Variants in GTF3C1 observed in about 807,000 individuals in gnomAD.
The protein encoded by GTF3C1 is general transcription factor IIIC subunit 1.
A neutral mutation model predicts 226.7 loss-of-function variants in GTF3C1; 57 were observed. The ratio of observed to expected loss-of-function variants is 0.25; its 90% CI spans 0.20 to 0.31. GTF3C1 has a LOEUF of 0.31. GTF3C1 is among the 10% of genes least tolerant of loss of function. The pLI is 1.00. For missense variants in GTF3C1, 2,217 were observed against 2,776.1 expected, an observed-to-expected ratio of 0.80 and a Z score of 4.53; for synonymous variants, 1,090 against 1,084.8, an observed-to-expected ratio of 1.00 and a Z score of -0.09.
chr16:27,461,347 G>GA lies in GTF3C1; in HGVS notation c.*2_*3insT, dbSNP rs1324358628. The GA allele has an allele frequency of 3.8e-6, 6 of 1,595,114 alleles. No homozygotes were observed. Among genetic ancestry groups the GA allele is most frequent in the Non-Finnish European group, 5.2e-6 (6 of 1,164,854 alleles). ...TGGGAGGGAGGGGACGCCCACAGGGGTCCTAGAGGTGGATCCACTTGTTCC... is the reference window on the plus strand; with the variant it reads ...TGGGAGGGAGGGGACGCCCACAGGGGATCCTAGAGGTGGATCCACTTGTTCC... On this transcript the variant is annotated 3_prime_UTR_variant, in exon 37 of 37. Transcript: ENST00000356183. The surrounding 1 kb of genome is among the most constrained non-coding windows in gnomAD (Gnocchi z 5.3).
At chr16:27,487,475 C>T (rs879551695) in intron 23 of GTF3C1, among the ~76,000 whole-genome samples, 2 of 152,228 alleles carry the variant, frequency 1.3e-5, no homozygotes, top group Non-Finnish European at 2.9e-5. Flanking sequence ...TAAAAGGCAC[C>T]GCACAAGGGG....
At chr16:27,531,104 C>A (rs186154279) in intron 5 of GTF3C1, among the ~76,000 whole-genome samples, 2 of 152,292 alleles carry the variant, frequency 1.3e-5, no homozygotes, top group Non-Finnish European at 2.9e-5. Flanking sequence ...CTCAGTCTCC[C>A]GAGTAGCTGG....
At position 27,469,269 on chromosome 16, in the gene GTF3C1, C is replaced by A; in HGVS notation, c.5074+22G>T. The A allele has an allele frequency of 6.5e-7, 1 of 1,539,360 alleles. No homozygotes were observed. Among genetic ancestry groups the A allele is most frequent in the East Asian group, 2.4e-5 (1 of 41,038 alleles). The stretch of plus-strand genomic sequence containing the variant: ...ATGATGGCGAGGCCAGGCCCTCCCA[C>A]AGCACCAGCAGGAGCACTCACCAGC... On this transcript the variant is annotated intron_variant, in intron 32 of 36. Coordinates refer to ENST00000356183, the MANE Select transcript of GTF3C1 (RefSeq NM_001520.4). The surrounding 1 kb of genome is among the most constrained non-coding windows in gnomAD (Gnocchi z 4.5).
chr16:27,495,105 G>C, intron 15 of GTF3C1, 106 bp downstream of exon 15: 1 of 928,814 alleles, frequency 1.1e-6, no homozygotes, highest in Non-Finnish European at 1.7e-6. Context: ...ATTTGGATCA[G>C]AGGCTGCAGC....
In GTF3C1 at chr16:27,460,699, CAAAAT is replaced by C. The variant is rs1162246942; in HGVS notation, c.*646_*650del. ...TTAATGAGGAAAAAAGGTGAAAGAA[CAAAAT>C]AAAACAAACAAAACCAAAACCTACA... On this transcript the variant is annotated 3_prime_UTR_variant, in exon 37 of 37. Coordinates refer to ENST00000356183, the MANE Select transcript of GTF3C1 (RefSeq NM_001520.4). The C allele has an allele frequency of 6.6e-6, 1 of 151,552 alleles. No individual in the cohort carries two copies. The highest frequency in any genetic ancestry group is 2.4e-5 in the African/African-American group (1 of 41,244). 9.4% of individuals were successfully genotyped at this position (151,552 alleles called of 1,614,324 possible). A position where few individuals can be genotyped will look rare whatever the true frequency, so the allele number is the denominator to read the frequency against.
intron 4 of GTF3C1, among the ~76,000 whole-genome samples, chr16:27,534,647 T>G (rs1261236665): frequency 6.6e-6 from 1 of 152,254 alleles, no homozygotes; most frequent in Non-Finnish European, 1.5e-5. Context: ...TTCTCTCTCC[T>G]ACCCCACAGC....
In GTF3C1 at chr16:27,469,568, C is replaced by T; in HGVS notation, c.4815-18G>A. ...TCCCCAAGCTAGAAGGGAATTGTGA[C>T]CTGGATACCTGAGCATAGGCCAGCC... On this transcript the variant is annotated intron_variant, in intron 31 of 36. Coordinates refer to ENST00000356183, the MANE Select transcript of GTF3C1 (RefSeq NM_001520.4). This position sits in a 1 kb window ranked among gnomAD's most constrained non-coding sequence, Gnocchi z 4.5. 6.3e-7 allele frequency: 1 copy of T among 1,599,872 alleles called. No homozygotes were observed.
chr16:27,465,448 C>G lies in GTF3C1; in HGVS notation c.5167G>C (p.Glu1723Gln), dbSNP rs769269826. 3.1e-6 allele frequency: 5 copies of G among 1,612,862 alleles called. No homozygotes were observed. The highest frequency in any genetic ancestry group is 1.1e-5 in the South Asian group (1 of 91,086). Residue 1723 changes from glutamate to glutamine, a missense_variant, in exon 33 of 37, where the codon GAG (glutamate) becomes CAG (glutamine). Physicochemically the swap from Glu to Gln is conservative, Grantham distance 29. Around this residue, in one of 12 missense-constraint regions of GTF3C1, gnomAD observed 455 missense variants for 441.9 expected, o/e 1.03. Coordinates refer to ENST00000356183, the MANE Select transcript of GTF3C1 (RefSeq NM_001520.4). ...AGCTCCAGCTGGAGGACAAACTCCTCCAAGCTGCAGGTGTTTTCCTGGGGG... is the reference window on the plus strand; with the variant it reads ...AGCTCCAGCTGGAGGACAAACTCCTGCAAGCTGCAGGTGTTTTCCTGGGGG... ...INPQENTCSL[E>Q]EFVLQLELSG...
chr16:27,508,918 T>C (rs1221496804), intron 7 of GTF3C1, among the ~76,000 whole-genome samples: 2 of 152,138 alleles, frequency 1.3e-5, no homozygotes, highest in African/African-American at 4.8e-5. Flanking sequence ...ACACTAAATG[T>C]CAGGTGATCA....
intron 7 of GTF3C1, 76 bp downstream of exon 7, chr16:27,511,673 T>C (rs1481672358): frequency 6.7e-7 from 1 of 1,489,350 alleles, no homozygotes; most frequent in Non-Finnish European, 9.3e-7. Context: ...GAGCTCTCTC[T>C]CGACATGTGG....
At chr16:27,494,697 G>T in intron 16 of GTF3C1, 66 bp downstream of exon 16, 1 of 1,202,512 alleles carries the variant, frequency 8.3e-7, no homozygotes, top group South Asian at 1.2e-5. Flanking sequence ...TTGCCCAGGT[G>T]AGTGTAGGCC....
chr16:27,501,746 TG>T (rs1260918692), intron 11 of GTF3C1, among the ~76,000 whole-genome samples: 1 of 152,260 alleles, frequency 6.6e-6, no homozygotes, highest in Non-Finnish European at 1.5e-5. Context: ...GTCTTCTCTC[TG>T]GATACATCTT....
rs952575252 is a variant in GTF3C1 at position 27,545,349 on chromosome 16, C to T, written c.396G>A (p.Leu132=). The T allele has an allele frequency of 3.7e-6, 6 of 1,613,950 alleles. No individual in the cohort carries two copies. The highest frequency in any genetic ancestry group is 1.3e-5 in the African/African-American group (1 of 75,058). Residue 132 remains leucine (L), a synonymous_variant, in exon 2 of 37, where the codon TTG becomes TTA. Transcript: ENST00000356183. ...NITNDIRTKS[L]QPRCTMVEAF... ...CTTCCACCATTGTACAGCGAGGCTGCAAGGACTTGGTTCTGATGTCATTGG... is the reference window on the plus strand; with the variant it reads ...CTTCCACCATTGTACAGCGAGGCTGTAAGGACTTGGTTCTGATGTCATTGG...
At chr16:27,481,735 G>T (rs898828656) in intron 26 of GTF3C1, among the ~76,000 whole-genome samples, 10 of 152,176 alleles carry the variant, frequency 6.6e-5, no homozygotes, top group African/African-American at 2.4e-4. Context: ...CTCCTCCCTG[G>T]CCTGGTGGCT....
At position 27,469,837 on chromosome 16, in the gene GTF3C1, TTC is replaced by T. The variant is rs2087840439; in HGVS notation, c.4814+269_4814+270del. The stretch of plus-strand genomic sequence containing the variant: ...CACCCATTTCCCCAGGAAGCCCCAG[TTC>T]TGTTGCGAGGCCCTCAGGAACAGTC... On this transcript the variant is annotated intron_variant, in intron 31 of 36. Coordinates refer to ENST00000356183, the MANE Select transcript of GTF3C1 (RefSeq NM_001520.4). The surrounding 1 kb of genome is among the most constrained non-coding windows in gnomAD (Gnocchi z 4.5). Among the ~76,000 whole-genome samples the T allele has an allele frequency of 6.6e-6, 1 of 152,146 alleles. No individual in the cohort carries two copies.
At chr16:27,530,353 CAG>C (rs1396987135) in intron 5 of GTF3C1, among the ~76,000 whole-genome samples, 3 of 152,198 alleles carry the variant, frequency 2.0e-5, no homozygotes, top group Non-Finnish European at 4.4e-5. Flanking sequence ...ACTCATCCAT[CAG>C]ATCCCAGCCC....
intron 6 of GTF3C1, among the ~76,000 whole-genome samples, chr16:27,526,306 G>A (rs1367134519): frequency 6.6e-6 from 1 of 152,208 alleles, no homozygotes; most frequent in East Asian, 1.9e-4. Flanking sequence ...AGACGGCCAA[G>A]CTGGGAGCAG....
chr16:27,542,613 T>C (rs918484391), intron 2 of GTF3C1, among the ~76,000 whole-genome samples: 5 of 148,308 alleles, frequency 3.4e-5, no homozygotes, highest in African/African-American at 5.0e-5. Context: ...CATTGGGAGG[T>C]GAGGACTAGT....
At chr16:27,488,142 C>T (rs1330640300) in intron 23 of GTF3C1, 85 bp downstream of exon 23, 1 of 1,212,574 alleles carries the variant, frequency 8.2e-7, no homozygotes, top group Non-Finnish European at 1.2e-6. Flanking sequence ...GGGCAGAGCT[C>T]AGGCCTGGCT....
Sources: gnomAD v4.1 joint callset for allele counts (sites outside exome capture counted in the v4.1 genomes callset) on GRCh38, gnomAD v4.1.1 for gene constraint, gnomAD v4.1.1 regional missense constraint, Gnocchi (gnomAD v3.1) non-coding constraint, MANE v1.5 for transcripts, NCBI Gene and HGNC (gene_info 2026-07-23, HGNC 2026-07-21) for gene names.